The following TASP1 variants were observed in gnomAD, a reference collection of about 807,000 sequenced individuals.
TASP1 encodes the protein threonine aspartase 1.
Under a neutral mutation model 56.6 loss-of-function variants are expected in TASP1, and 16 were observed. The ratio of observed to expected loss-of-function variants is 0.28; its 90% CI spans 0.19 to 0.43. TASP1 has a LOEUF of 0.43. TASP1 is among the 20% of genes least tolerant of loss of function. The pLI is 1.00. For missense variants in TASP1, 393 were observed against 511.6 expected (o/e 0.77, Z 2.24); for synonymous variants, 179 against 184.2 (o/e 0.97, Z 0.23).
Position 13,529,632 on chromosome 20 carries a change from T to C in TASP1, c.796-1121A>G, listed in dbSNP as rs543531035. On this transcript the variant is annotated intron_variant, in intron 9 of 13. Coordinates refer to ENST00000337743, the MANE Select transcript of TASP1 (RefSeq NM_017714.3). Reference sequence around the variant, plus strand: ...AATACAGAAAGAGCTCCCAAACATATTGTTGAATTGAAAACAATAGCAAGC... The same window carrying C: ...AATACAGAAAGAGCTCCCAAACATACTGTTGAATTGAAAACAATAGCAAGC... Among the ~76,000 whole-genome samples the C allele has an allele frequency of 3.5e-4, 54 of 152,238 alleles. 3 individuals carry two copies. The highest frequency in any genetic ancestry group is 1.3e-3 in the African/African-American group (53 of 41,560).
chr20:13,636,575 T>C (rs1321793748), intron 1 of TASP1, among the ~76,000 whole-genome samples: 2 of 152,152 alleles, frequency 1.3e-5, no homozygotes, highest in Middle Eastern at 3.4e-3. Context: ...GAAAACTTTC[T>C]ACCAAAATAA....
intron 12 of TASP1, among the ~76,000 whole-genome samples, chr20:13,423,035 A>G (rs570077009): frequency 1.3e-5 from 2 of 152,372 alleles, no homozygotes; most frequent in African/African-American, 4.8e-5. Flanking sequence ...TTCCACAGAT[A>G]TGCCTTTATA....
chr20:13,557,690 C>CAGA (rs2046211558), intron 8 of TASP1, among the ~76,000 whole-genome samples: 1 of 148,424 alleles, frequency 6.7e-6, no homozygotes, highest in Non-Finnish European at 1.5e-5. Flanking sequence ...AGGTGATTCT[C>CAGA]CTACCTCAGC....
the TASP1 span, among the ~76,000 whole-genome samples, chr20:13,346,443 T>C: frequency 6.6e-6 from 1 of 152,318 alleles, no homozygotes; most frequent in South Asian, 2.1e-4. Context: ...AGCAGGAAGA[T>C]GTTTTTCTGC....
intron 10 of TASP1, among the ~76,000 whole-genome samples, chr20:13,517,771 T>C (rs897897318): frequency 1.3e-5 from 2 of 152,136 alleles, no homozygotes; most frequent in Non-Finnish European, 2.9e-5. Context: ...TTCTACATAA[T>C]TGCATACCAT....
At chr20:13,174,798 G>A in the TASP1 span, among the ~76,000 whole-genome samples, 1 of 151,798 alleles carries the variant, frequency 6.6e-6, no homozygotes, top group Non-Finnish European at 1.5e-5. Flanking sequence ...AGGTCTCTTT[G>A]ATATGGTTTG....
chr20:13,222,505 C>A, the TASP1 span, among the ~76,000 whole-genome samples: 3 of 152,072 alleles, frequency 2.0e-5, no homozygotes, highest in Admixed American at 1.3e-4. Context: ...CCCCCCTCCC[C>A]CCTTGTGCCC....
At chr20:13,381,524 C>A in the TASP1 span, among the ~76,000 whole-genome samples, 1 of 152,214 alleles carries the variant, frequency 6.6e-6, no homozygotes, top group East Asian at 1.9e-4. Context: ...ATTTGGCCAT[C>A]TTGAGAAGTC....
At chr20:13,611,264 T>C (rs995483621) in intron 4 of TASP1, among the ~76,000 whole-genome samples, 1 of 152,234 alleles carries the variant, frequency 6.6e-6, no homozygotes, top group Admixed American at 6.5e-5. Flanking sequence ...GCTTGGACTT[T>C]CAGTACGTTC....
In TASP1 at chr20:13,573,961, A is replaced by C. The variant is rs540607240; in HGVS notation, c.489-4375T>G. 2.0e-5 allele frequency among the ~76,000 whole-genome samples: 3 copies of C among 152,298 alleles called. No homozygotes were observed. The East Asian group carries it at 5.8e-4, about 29-fold the overall frequency. On this transcript the variant is annotated intron_variant, in intron 6 of 13. Transcript: ENST00000337743. ...ACATAGTCGGGCATCCAGAGAGGCC[A>C]TGTAGCCAGAGTTCACAATACCAGA... is the stretch of plus-strand genomic sequence containing the variant.
chr20:13,412,980 G>T (rs2042140296), intron 13 of TASP1, among the ~76,000 whole-genome samples: 1 of 152,008 alleles, frequency 6.6e-6, no homozygotes, highest in Non-Finnish European at 1.5e-5. Flanking sequence ...TATTACAGAT[G>T]AGGCCTCTGG....
intron 4 of TASP1, among the ~76,000 whole-genome samples, chr20:13,607,648 C>T (rs2048206054): frequency 6.6e-6 from 1 of 152,210 alleles, no homozygotes; most frequent in African/African-American, 2.4e-5. Flanking sequence ...TTAGTACTCA[C>T]ACTCTGTCGC....
the TASP1 span, among the ~76,000 whole-genome samples, chr20:13,205,633 G>A: frequency 1.3e-5 from 2 of 152,150 alleles, no homozygotes; most frequent in African/African-American, 4.8e-5. Flanking sequence ...TCCTGTAAGA[G>A]CACTAATCCC....
At chr20:13,424,330 A>C (rs1287500544) in intron 12 of TASP1, among the ~76,000 whole-genome samples, 1 of 152,224 alleles carries the variant, frequency 6.6e-6, no homozygotes, top group African/African-American at 2.4e-5. Flanking sequence ...TCAGTAAAAG[A>C]GTAGCATTTA....
At chr20:13,228,173 A>G in the TASP1 span, among the ~76,000 whole-genome samples, 1 of 151,382 alleles carries the variant, frequency 6.6e-6, no homozygotes, top group Non-Finnish European at 1.5e-5. Context: ...GAGTTTCACC[A>G]TGTTGGCCAG....
At chr20:13,292,386 C>G in the TASP1 span, 1 of 1,601,214 alleles carries the variant, frequency 6.2e-7, no homozygotes, top group Non-Finnish European at 8.5e-7. Flanking sequence ...ATTGAAGACA[C>G]TTTTAGGACA....
the TASP1 span, among the ~76,000 whole-genome samples, chr20:13,376,200 T>C: frequency 1.3e-5 from 2 of 152,262 alleles, no homozygotes; most frequent in Non-Finnish European, 1.5e-5. Flanking sequence ...AGGGTTTTTA[T>C]GGTTTTAGGT....
At chr20:13,270,435 G>C in the TASP1 span, 1 of 1,513,444 alleles carries the variant, frequency 6.6e-7, no homozygotes, top group Non-Finnish European at 8.9e-7. Context: ...GAATATAATG[G>C]ACTGTTAAGG....
At chr20:13,188,135 T>C in the TASP1 span, among the ~76,000 whole-genome samples, 1 of 152,084 alleles carries the variant, frequency 6.6e-6, no homozygotes, top group Non-Finnish European at 1.5e-5. Context: ...TCCTCTAAGA[T>C]TAAGAAGAAG....
Sources: gnomAD v4.1 joint callset for allele counts (sites outside exome capture counted in the v4.1 genomes callset) on GRCh38, gnomAD v4.1.1 for gene constraint, MANE v1.5 for transcripts, NCBI Gene and HGNC (gene_info 2026-07-23, HGNC 2026-07-21) for gene names.